AP3S2: variants seen among roughly 807,000 people sequenced by gnomAD.
AP3S2 encodes adaptor related protein complex 3 subunit sigma 2, also known as AP-3 complex subunit sigma-2.
In AP3S2, 22 loss-of-function variants were observed where a neutral mutation model predicts 23.4. That is an observed-to-expected ratio of 0.94 (90% CI 0.67 to 1.34). The LOEUF (loss-of-function observed/expected upper bound fraction) is 1.34. Ranked by LOEUF, AP3S2 falls within the 40% of genes most tolerant of loss-of-function variation. The pLI is 0.00. For synonymous variants in AP3S2, 86 were observed against 87.1 expected (o/e 0.99, Z 0.07); for missense variants, 241 against 236.9 (o/e 1.02, Z -0.11).
intron 4 of AP3S2, among the ~76,000 whole-genome samples, chr15:89,868,881 C>T (rs1246506946): frequency 3.6e-5 from 5 of 139,736 alleles, no homozygotes; most frequent in Admixed American, 1.4e-4. Context: ...CGCCTCTGCC[C>T]GGCCGCCCCT....
chr15:89,863,167 C>T (rs560299179), intron 4 of AP3S2, among the ~76,000 whole-genome samples: 3 of 152,224 alleles, frequency 2.0e-5, no homozygotes, highest in Admixed American at 6.5e-5. Context: ...GACTAGGAAA[C>T]GGCCACAGGA....
At chr15:89,889,298 T>C in intron 1 of AP3S2, 158 bp from the exon 2 acceptor site, 3 of 718,850 alleles carry the variant, frequency 4.2e-6, no homozygotes, top group Non-Finnish European at 6.8e-6. Flanking sequence ...AAAATAGGAG[T>C]GAATCTATGA....
At chr15:89,852,732 T>C (rs1221502498) in intron 4 of AP3S2, 1 of 152,260 alleles carries the variant, frequency 6.6e-6, no homozygotes, top group East Asian at 1.9e-4. Flanking sequence ...CATAAAACTG[T>C]TTCTAAGGAG....
chr15:89,872,555 C>T lies in AP3S2; in HGVS notation c.274-1009G>A, dbSNP rs182928724. Among the ~76,000 whole-genome samples, 13 of 152,324 alleles carry T rather than the reference C, an allele frequency of 8.5e-5. 1 individual carries two copies. The highest frequency in any genetic ancestry group is 3.1e-4 in the African/African-American group (13 of 41,574). ...TTTAATTTCTCTCAGACAATGACCT[C>T]ATTTAAACAATCTCATTGTCAGCAG... On this transcript the variant is annotated intron_variant, in intron 3 of 5. Transcript: ENST00000336418.
intron 4 of AP3S2, among the ~76,000 whole-genome samples, chr15:89,839,906 C>T (rs1303323817): frequency 6.6e-6 from 1 of 151,364 alleles, no homozygotes; most frequent in Non-Finnish European, 1.5e-5. Context: ...TTCTGAGACA[C>T]AATGTAACAC....
intron 4 of AP3S2, among the ~76,000 whole-genome samples, chr15:89,869,436 A>G (rs1896260308): frequency 6.8e-6 from 1 of 147,890 alleles, no homozygotes; most frequent in African/African-American, 2.5e-5. Flanking sequence ...AACACTGCGG[A>G]AGGCCGCAGG....
At chr15:89,866,681 C>T (rs1896131045) in intron 4 of AP3S2, among the ~76,000 whole-genome samples, 1 of 151,954 alleles carries the variant, frequency 6.6e-6, no homozygotes, top group Non-Finnish European at 1.5e-5. Context: ...GACGGGGTTT[C>T]TCCATGTTGG....
chr15:89,889,427 T>C (rs1555448644), intron 1 of AP3S2: 3 of 325,746 alleles, frequency 9.2e-6, no homozygotes, highest in South Asian at 4.0e-5. Flanking sequence ...AAAAGGAACA[T>C]TGATAAACTC....
intron 3 of AP3S2, among the ~76,000 whole-genome samples, chr15:89,884,641 C>T (rs1896650986): frequency 6.6e-6 from 1 of 150,910 alleles, no homozygotes; most frequent in Non-Finnish European, 1.5e-5. Flanking sequence ...ATTTGACGAA[C>T]ATCTTCCCCT....
intron 4 of AP3S2, chr15:89,845,813 A>G (rs4932146): frequency 0.39 from 59,461 of 151,764 alleles, 13,045 homozygotes; most frequent in Middle Eastern, 0.52. Context: ...CACAGTGTGC[A>G]TTGAACAAAT....
At chr15:89,889,276 AAATG>A (rs1265165656) in intron 1 of AP3S2, 136 bp from the exon 2 acceptor site, 3 of 904,404 alleles carry the variant, frequency 3.3e-6, no homozygotes, top group Non-Finnish European at 3.3e-6. Flanking sequence ...GAAATGATAA[AAATG>A]ATGAGAAAAA....
chr15:89,841,530 C>G (rs1895329236), intron 4 of AP3S2, among the ~76,000 whole-genome samples: 1 of 152,210 alleles, frequency 6.6e-6, no homozygotes, highest in Admixed American at 6.5e-5. Flanking sequence ...AAGGCAGGAA[C>G]TTCCTTGGAC....
At chr15:89,842,027 T>C (rs935692351) in intron 4 of AP3S2, among the ~76,000 whole-genome samples, 10 of 151,586 alleles carry the variant, frequency 6.6e-5, no homozygotes, top group African/African-American at 1.5e-4. Context: ...AAAGCAGAAA[T>C]ACAAGAACTT....
chr15:89,890,965 A>C (rs1217341282), intron 1 of AP3S2, among the ~76,000 whole-genome samples: 1 of 152,240 alleles, frequency 6.6e-6, no homozygotes, highest in Non-Finnish European at 1.5e-5. Context: ...TTTAAAGAAC[A>C]AACAAAGCTC....
intron 3 of AP3S2, among the ~76,000 whole-genome samples, chr15:89,887,045 C>T (rs868025942): frequency 1.3e-5 from 2 of 152,214 alleles, no homozygotes; most frequent in South Asian, 2.1e-4. Context: ...ATCCACCCAC[C>T]TTGGCCTCCC....
chr15:89,888,906 T>G lies in AP3S2; in HGVS notation c.161+143A>C, dbSNP rs544816917. 6.7e-5 allele frequency: 62 copies of G among 925,782 alleles called. 1 individual carries two copies. The South Asian group carries it at 9.8e-4, about 15-fold the overall frequency. The allele number at this position is 925,782 out of a possible 1,614,324, so 57.3% of individuals were successfully genotyped here. ...TTGAACTGCGCCCCAAAGAGAATTG[T>G]GTCTCTCCCTGAGCAGATCATGGTG... is the stretch of plus-strand genomic sequence containing the variant. On this transcript the variant is annotated intron_variant, in intron 2 of 5. Coordinates refer to ENST00000336418, the MANE Select transcript of AP3S2 (RefSeq NM_005829.5).
At chr15:89,867,920 T>TGG in intron 4 of AP3S2, among the ~76,000 whole-genome samples, 1 of 131,730 alleles carries the variant, frequency 7.6e-6, no homozygotes, top group East Asian at 2.5e-4. Context: ...GGGAGGGAGG[T>TGG]GGGGGGGGTC....
chr15:89,893,743 T>A (rs1223236519), intron 1 of AP3S2, 138 bp downstream of exon 1: 2 of 797,014 alleles, frequency 2.5e-6, no homozygotes, highest in Non-Finnish European at 3.9e-6. Context: ...ATTAAATGCT[T>A]AAGTAGGGCG....
chr15:89,873,706 T>C (rs1463611624), intron 3 of AP3S2, among the ~76,000 whole-genome samples: 1 of 152,172 alleles, frequency 6.6e-6, no homozygotes, highest in African/African-American at 2.4e-5. Context: ...CCATTTCCTC[T>C]CATTTTTTAT....
Sources: allele counts gnomAD v4.1 joint callset (sites outside exome capture counted in the v4.1 genomes callset), GRCh38; gene constraint gnomAD v4.1.1; transcripts MANE v1.5; gene names NCBI Gene and HGNC (gene_info 2026-07-23, HGNC 2026-07-21).